Variants in KCNIP1 observed in about 807,000 individuals in gnomAD.
KCNIP1 encodes the protein potassium voltage-gated channel interacting protein 1, also known as A-type potassium channel modulatory protein KCNIP1.
Under a neutral mutation model 33.0 loss-of-function variants are expected in KCNIP1, and 18 were observed. The ratio of observed to expected loss-of-function variants is 0.55; its 90% confidence interval spans 0.38 to 0.81. The LOEUF (loss-of-function observed/expected upper bound fraction) is 0.81, where lower values mean the gene tolerates loss of function less well. Among genes scored for constraint, KCNIP1 ranks in the 30% least tolerant of loss-of-function variants. The pLI, the probability that KCNIP1 is intolerant of heterozygous loss-of-function variation, is 0.00. For synonymous variants in KCNIP1, 93 were observed against 98.3 expected, an observed-to-expected ratio of 0.95 and a Z score of 0.32; for missense variants, 238 against 271.6, an observed-to-expected ratio of 0.88 and a Z score of 0.87.
At chr5:170,457,553 C>A (rs1056772860) in intron 1 of KCNIP1, among the ~76,000 whole-genome samples, 3 of 152,296 alleles carry the variant, frequency 2.0e-5, no homozygotes, top group South Asian at 2.1e-4. Context: ...CAGCCTGGAA[C>A]CTGGTAGACA....
intron 1 of KCNIP1, among the ~76,000 whole-genome samples, chr5:170,456,661 TTTTC>T (rs1191479691): frequency 7.3e-6 from 1 of 137,810 alleles, no homozygotes; most frequent in Non-Finnish European, 1.5e-5. Context: ...GTGGTTCTTG[TTTTC>T]TTTCTTTCTC....
chr5:170,381,320 G>A (rs1764229959), intron 1 of KCNIP1, among the ~76,000 whole-genome samples: 1 of 152,200 alleles, frequency 6.6e-6, no homozygotes, highest in African/African-American at 2.4e-5. Context: ...GCAGTGTAAG[G>A]TCCCCAGGAC....
Position 170,640,705 on chromosome 5 carries a change from T to C in KCNIP1, c.62-78053T>C, listed in dbSNP as rs573979714. On this transcript the variant is annotated intron_variant, in intron 1 of 7. Transcript: ENST00000328939. ...AAAATCTCTCAGTGTGTGCCAGGCA[T>C]GTTCATGTATATTCAGGAAGAAGTG... is the stretch of plus-strand genomic sequence containing the variant. Among the ~76,000 whole-genome samples the C allele has an allele frequency of 3.9e-5, 6 of 152,306 alleles. No homozygotes were observed. In the South Asian group the frequency reaches 1.2e-3, roughly 32 times the overall value.
At chr5:170,581,349 A>G (rs1757789294) in intron 1 of KCNIP1, among the ~76,000 whole-genome samples, 1 of 152,226 alleles carries the variant, frequency 6.6e-6, no homozygotes, top group Non-Finnish European at 1.5e-5. Context: ...TCCACTTCCT[A>G]CACCACCTGG....
rs533153548 is a variant in KCNIP1, at chr5:170,504,365, G to A, written c.-208G>A. On this transcript the variant is annotated 5_prime_UTR_variant, in exon 1 of 8. Coordinates refer to ENST00000328939, the MANE Select transcript of KCNIP1 (RefSeq NM_014592.4). The surrounding 1 kb of genome is among the most constrained non-coding windows in gnomAD (Gnocchi z 6.0). ...TCCGAAGGCTCGCGGGGAGCGGCTA[G>A]CCCTGAGTCCCTGCATGTGCGGGGC... The A allele has an allele frequency of 5.6e-6, 8 of 1,421,282 alleles. No homozygotes were observed. The highest frequency in any genetic ancestry group is 7.3e-6 in the Non-Finnish European group (8 of 1,093,268). The allele number at this position is 1,421,282 out of a possible 1,614,324, so 88.0% of individuals were successfully genotyped here.
intron 1 of KCNIP1, among the ~76,000 whole-genome samples, chr5:170,356,117 G>A (rs1011334321): frequency 6.6e-6 from 1 of 152,192 alleles, no homozygotes; most frequent in Non-Finnish European, 1.5e-5. Context: ...TCCAGAAAAC[G>A]GCTTTCTAAT....
At chr5:170,424,844 T>C (rs1438661310) in intron 1 of KCNIP1, among the ~76,000 whole-genome samples, 3 of 152,246 alleles carry the variant, frequency 2.0e-5, no homozygotes, top group Non-Finnish European at 4.4e-5. Flanking sequence ...AGGCCTTTTA[T>C]GATATGGCCC....
At chr5:170,723,700 C>A (rs1159852724) in intron 5 of KCNIP1, among the ~76,000 whole-genome samples, 1 of 152,086 alleles carries the variant, frequency 6.6e-6, no homozygotes. Flanking sequence ...TCAGACTAGG[C>A]CCCACACTGG....
At chr5:170,657,794 G>A (rs1761328015) in intron 1 of KCNIP1, among the ~76,000 whole-genome samples, 1 of 152,202 alleles carries the variant, frequency 6.6e-6, no homozygotes, top group Non-Finnish European at 1.5e-5. Context: ...GCACAGCACT[G>A]GATGTCCTCA....
chr5:170,387,657 T>C (rs1217617978), intron 1 of KCNIP1, among the ~76,000 whole-genome samples: 2 of 152,216 alleles, frequency 1.3e-5, no homozygotes, highest in Non-Finnish European at 2.9e-5. Flanking sequence ...AAGAGAGATG[T>C]TTTATTCAAC....
In KCNIP1 at chr5:170,561,474, C is replaced by A. The variant is rs139998586; in HGVS notation, c.61+56841C>A. Among the ~76,000 whole-genome samples, 233 of 152,308 alleles carry A rather than the reference C, an allele frequency of 1.5e-3. 1 individual carries two copies. Among genetic ancestry groups the A allele is most frequent in the African/African-American group, 5.3e-3 (222 of 41,574 alleles). On this transcript the variant is annotated intron_variant, in intron 1 of 7. Transcript: ENST00000328939. ...CAAAGGCACGTGGAAGGGGGCTGGGCAAATGGTGAAGGAGCATGTGGGAGA... is the reference window on the plus strand; with the variant it reads ...CAAAGGCACGTGGAAGGGGGCTGGGAAAATGGTGAAGGAGCATGTGGGAGA...
intron 1 of KCNIP1, among the ~76,000 whole-genome samples, chr5:170,497,483 G>A (rs1283683035): frequency 6.6e-6 from 1 of 152,130 alleles, no homozygotes; most frequent in Non-Finnish European, 1.5e-5. Context: ...TTTCACTGGG[G>A]AGAGTCTGAA....
intron 5 of KCNIP1, among the ~76,000 whole-genome samples, chr5:170,731,054 A>G (rs1764175645): frequency 6.6e-6 from 1 of 152,230 alleles, no homozygotes; most frequent in African/African-American, 2.4e-5. Flanking sequence ...GTAATTAATA[A>G]GTATAGAAGG....
intron 1 of KCNIP1, chr5:170,378,834 T>C (rs1381132611): frequency 1.2e-6 from 2 of 1,614,090 alleles, no homozygotes; most frequent in Non-Finnish European, 1.7e-6. Context: ...GTAGAGGCGC[T>C]GGAATAGGAC....
chr5:170,723,238 G>T (rs1007705871), intron 5 of KCNIP1, among the ~76,000 whole-genome samples: 10 of 152,130 alleles, frequency 6.6e-5, no homozygotes, highest in Middle Eastern at 3.2e-3. Flanking sequence ...CCTACAATTG[G>T]GTCATATTGG....
chr5:170,620,003 C>T (rs557106714), intron 1 of KCNIP1, among the ~76,000 whole-genome samples: 27 of 152,324 alleles, frequency 1.8e-4, no homozygotes, highest in Middle Eastern at 3.4e-3. Context: ...GGTTTGGACC[C>T]ATAGTCCACC....
chr5:170,434,825 C>T (rs568730837), intron 1 of KCNIP1, among the ~76,000 whole-genome samples: 239 of 152,224 alleles, frequency 1.6e-3, no homozygotes, highest in Middle Eastern at 3.4e-3. Context: ...CGTGGTGGCA[C>T]GAGCCTGTAA....
intron 1 of KCNIP1, among the ~76,000 whole-genome samples, chr5:170,569,507 C>T (rs546142789): frequency 9.2e-5 from 14 of 152,354 alleles, no homozygotes; most frequent in African/African-American, 3.4e-4. Context: ...GCAGTTTCTT[C>T]ATGTGTCAAA....
chr5:170,359,286 G>T (rs778015224), intron 1 of KCNIP1, among the ~76,000 whole-genome samples: 1 of 152,210 alleles, frequency 6.6e-6, no homozygotes, highest in Non-Finnish European at 1.5e-5. Flanking sequence ...TACACACAAA[G>T]TTTTGGACAC....
Sources: gnomAD v4.1 joint callset for allele counts (sites outside exome capture counted in the v4.1 genomes callset) on GRCh38, gnomAD v4.1.1 for gene constraint, Gnocchi (gnomAD v3.1) non-coding constraint, MANE v1.5 for transcripts, NCBI Gene and HGNC (gene_info 2026-07-23, HGNC 2026-07-21) for gene names.